Variants in TENM2 observed in about 807,000 individuals in gnomAD.
The protein encoded by TENM2 is teneurin-2.
TENM2 carries 52 observed loss-of-function variants against 245.2 expected under a neutral mutation model. That is an observed-to-expected ratio of 0.21 (90% CI 0.17 to 0.27). The LOEUF is 0.27. TENM2 is among the 10% of genes least tolerant of loss of function. The pLI, the probability that TENM2 is intolerant of heterozygous loss-of-function variation, is 1.00. For missense variants in TENM2, 3,046 were observed against 3,666.8 expected (o/e 0.83, Z 4.37); for synonymous variants, 1,363 against 1,438.9 (o/e 0.95, Z 1.19).
intron 17 of TENM2, among the ~76,000 whole-genome samples, chr5:168,200,420 G>C (rs1460062708): frequency 6.6e-6 from 1 of 152,194 alleles, no homozygotes; most frequent in Non-Finnish European, 1.5e-5. Context: ...AGCATTTAGG[G>C]AAGGCTCCTC....
intron 6 of TENM2, among the ~76,000 whole-genome samples, chr5:168,053,445 A>G (rs772872491): frequency 1.3e-5 from 2 of 152,172 alleles, no homozygotes; most frequent in Non-Finnish European, 2.9e-5. Context: ...ACACCCAGAT[A>G]TCTGGTCTAT....
chr5:167,493,566 C>T (rs1768584318), intron 2 of TENM2, among the ~76,000 whole-genome samples: 1 of 152,036 alleles, frequency 6.6e-6, no homozygotes, highest in Admixed American at 6.6e-5. Context: ...ATCAAGTAAG[C>T]ACTCAATAAA....
At chr5:167,131,846 G>T in the TENM2 span, among the ~76,000 whole-genome samples, 6 of 151,932 alleles carry the variant, frequency 3.9e-5, no homozygotes, top group Non-Finnish European at 8.8e-5. Context: ...TTTCTGAGAC[G>T]GAGTCTTACT....
the TENM2 span, among the ~76,000 whole-genome samples, chr5:167,234,943 T>C: frequency 5.9e-5 from 9 of 152,214 alleles, no homozygotes; most frequent in East Asian, 1.5e-3. Flanking sequence ...GCCACCCCTA[T>C]TTCTTTATCC....
At position 168,056,656 on chromosome 5, in the gene TENM2, A is replaced by G. The variant is rs1176500061; in HGVS notation, c.1310-5404A>G. On this transcript the variant is annotated intron_variant, in intron 6 of 28. Transcript: ENST00000518659. ...GTATTTACAAGGTCAAAAGTAGCAT[A>G]CAGTAATGTCCTAGCCCTTCACTTT... is the stretch of plus-strand genomic sequence containing the variant. 2.0e-5 allele frequency among the ~76,000 whole-genome samples: 3 copies of G among 152,240 alleles called. No homozygotes were observed. The East Asian group carries it at 5.8e-4, about 29-fold the overall frequency.
At chr5:167,240,706 A>G in the TENM2 span, among the ~76,000 whole-genome samples, 4 of 152,206 alleles carry the variant, frequency 2.6e-5, no homozygotes, top group Admixed American at 2.6e-4. Context: ...TTGGCAGTGC[A>G]TGAAATAGTG....
At position 167,987,744 on chromosome 5, in the gene TENM2, G is replaced by A. The variant is rs376787447; in HGVS notation, c.948-5200G>A. ...AAACAGTACAAATTCCTGGGACCAG[G>A]CGATCACTTGAGTGCTGTGTTAAAA... On this transcript the variant is annotated intron_variant, in intron 4 of 28. Coordinates refer to ENST00000518659, the Ensembl canonical transcript of TENM2. 1.3e-5 allele frequency among the ~76,000 whole-genome samples: 2 copies of A among 152,066 alleles called. 1 individual carries two copies. The highest frequency in any genetic ancestry group is 2.9e-5 in the Non-Finnish European group (2 of 68,012).
At chr5:167,944,535 C>G (rs1184410038) in intron 3 of TENM2, among the ~76,000 whole-genome samples, 1 of 152,022 alleles carries the variant, frequency 6.6e-6, no homozygotes, top group African/African-American at 2.4e-5. Flanking sequence ...TGAACTTTGA[C>G]TGGCTCTGAT....
intron 2 of TENM2, among the ~76,000 whole-genome samples, chr5:167,522,808 G>T (rs759665382): frequency 9.7e-6 from 1 of 102,988 alleles, no homozygotes; most frequent in Non-Finnish European, 2.0e-5. Context: ...CCAGCAAATA[G>T]GCCTCTGCCC....
intron 6 of TENM2, among the ~76,000 whole-genome samples, chr5:168,055,197 G>C (rs928567207): frequency 2.0e-5 from 3 of 152,168 alleles, no homozygotes; most frequent in Non-Finnish European, 4.4e-5. Context: ...AGGCTGCCTA[G>C]ATAAGAGATA....
At chr5:167,765,685 C>A (rs749839904) in intron 2 of TENM2, among the ~76,000 whole-genome samples, 1 of 152,110 alleles carries the variant, frequency 6.6e-6, no homozygotes, top group Non-Finnish European at 1.5e-5. Context: ...TGGTAATATT[C>A]GTGTTAATGT....
rs80272605 is a variant in TENM2, at chr5:167,542,240, A to G, written c.502+166767A>G. On this transcript the variant is annotated intron_variant, in intron 2 of 28. Transcript: ENST00000518659. The stretch of plus-strand genomic sequence containing the variant: ...GAAAGTGATTATAACAAAAAATGCC[A>G]TAAGTCAGTCACTAAGAAGGCGCTT... 1.1e-3 allele frequency among the ~76,000 whole-genome samples: 168 copies of G among 152,322 alleles called. 2 individuals are homozygous for G. The East Asian group carries it at 0.029, about 26-fold the overall frequency.
chr5:167,380,963 C>T (rs1761067480), intron 2 of TENM2, among the ~76,000 whole-genome samples: 1 of 151,956 alleles, frequency 6.6e-6, no homozygotes, highest in African/African-American at 2.4e-5. Context: ...GAGAGATGTG[C>T]CATGCATTGA....
intron 2 of TENM2, among the ~76,000 whole-genome samples, chr5:167,750,146 C>T (rs1313588162): frequency 2.0e-5 from 3 of 152,078 alleles, no homozygotes; most frequent in Non-Finnish European, 2.9e-5. Flanking sequence ...ATGAGCCAAA[C>T]GACGCTTTGG....
intron 2 of TENM2, among the ~76,000 whole-genome samples, chr5:167,404,277 G>A (rs1177984287): frequency 6.6e-6 from 1 of 151,898 alleles, no homozygotes; most frequent in African/African-American, 2.4e-5. Context: ...GTGCAATTGG[G>A]GAATTTCCTG....
rs142933685 is a variant in TENM2 at position 168,222,317 on chromosome 5, G to A, written c.5108+3318G>A. On this transcript the variant is annotated intron_variant, in intron 23 of 28. Transcript: ENST00000518659. ...GCCTTAGCAAACTTCGGGCTCAGAG[G>A]GGCAGAAAAACACATCACCCTTAAA... Among the ~76,000 whole-genome samples the A allele has an allele frequency of 5.1e-3, 779 of 152,284 alleles. 4 individuals are homozygous for A. Among genetic ancestry groups the A allele is most frequent in the Non-Finnish European group, 8.2e-3 (560 of 68,026 alleles).
the TENM2 span, among the ~76,000 whole-genome samples, chr5:167,112,489 A>G: frequency 1.3e-5 from 2 of 152,210 alleles, no homozygotes; most frequent in African/African-American, 2.4e-5. Context: ...TTTGTGGGGT[A>G]ATAAATTGTC....
chr5:167,144,845 A>G, the TENM2 span, among the ~76,000 whole-genome samples: 1 of 152,222 alleles, frequency 6.6e-6, no homozygotes, highest in African/African-American at 2.4e-5. Flanking sequence ...TTAAGACACA[A>G]ATGTATTCCT....
chr5:166,998,508 G>A, the TENM2 span, among the ~76,000 whole-genome samples: 1 of 152,062 alleles, frequency 6.6e-6, no homozygotes, highest in Non-Finnish European at 1.5e-5. Context: ...AAAATAGAGG[G>A]AAAGAGGACT....
Sources: gnomAD v4.1 joint callset for allele counts (sites outside exome capture counted in the v4.1 genomes callset) on GRCh38, gnomAD v4.1.1 for gene constraint, MANE v1.5 for transcripts, NCBI Gene and HGNC (gene_info 2026-07-23, HGNC 2026-07-21) for gene names.